ABCB6: variants seen among roughly 807,000 people sequenced by gnomAD.
ABCB6 encodes the protein ATP-binding cassette sub-family B member 6.
Under a neutral mutation model 99.4 loss-of-function variants are expected in ABCB6, and 87 were observed. The observed-to-expected ratio is 0.88, with a 90% CI of 0.74 to 1.05. The LOEUF (loss-of-function observed/expected upper bound fraction) is 1.05. Ranked by LOEUF, ABCB6 falls within the 50% of genes least tolerant of loss-of-function variation. The pLI is 0.00. For missense variants in ABCB6, 1,050 were observed against 1,097.9 expected, an observed-to-expected ratio of 0.96 and a Z score of 0.62; for synonymous variants, 482 against 447.5, an observed-to-expected ratio of 1.08 and a Z score of -0.97.
intron 14 of ABCB6, among the ~76,000 whole-genome samples, chr2:219,212,053 G>A (rs997848231): frequency 7.9e-5 from 12 of 152,044 alleles, no homozygotes; most frequent in South Asian, 6.2e-4. Flanking sequence ...GTGAGCCACC[G>A]CGCCCAGCAA....
Position 219,214,119 on chromosome 2 carries a change from A to G in ABCB6, c.1452+2T>C. The G allele has an allele frequency of 6.2e-7, 1 of 1,614,068 alleles. No homozygotes were observed. ...CCGGAGGCCTCAAACTAGCATCCTC[A>G]CCTGATATTTGATGATGGCCTCTCG... On this transcript the variant is annotated splice_donor_variant, in intron 8 of 18. Coordinates refer to ENST00000265316, the MANE Select transcript of ABCB6 (RefSeq NM_005689.4). LOFTEE classifies it high-confidence loss of function.
At position 219,216,285 on chromosome 2, in the gene ABCB6, T is replaced by C. The variant is rs1950640591; in HGVS notation, c.970+79A>G. 6.3e-7 allele frequency: 1 copy of C among 1,587,842 alleles called. No homozygotes were observed. The highest frequency in any genetic ancestry group is 1.3e-5 in the African/African-American group (1 of 74,296). On this transcript the variant is annotated intron_variant, in intron 4 of 18. Transcript: ENST00000265316. This position sits in a 1 kb window ranked among gnomAD's most constrained non-coding sequence, Gnocchi z 4.2. Reference sequence around the variant, plus strand: ...AGAGTACATGGGGGCTGGGGAGGAATGCTGGGAGAGGCGGATGCTGAGGGA... The same window carrying C: ...AGAGTACATGGGGGCTGGGGAGGAACGCTGGGAGAGGCGGATGCTGAGGGA...
intron 14 of ABCB6, 37 bp downstream of exon 14, chr2:219,212,350 G>C: frequency 6.4e-7 from 1 of 1,566,656 alleles, no homozygotes; most frequent in Non-Finnish European, 8.8e-7. Flanking sequence ...TCCACACGTA[G>C]ACCCCTAAAC....
At chr2:219,211,235 C>T in intron 14 of ABCB6, 127 bp from the exon 15 acceptor site, 1 of 970,756 alleles carries the variant, frequency 1.0e-6, no homozygotes, top group Non-Finnish European at 1.6e-6. Context: ...TGCCCCATAT[C>T]CTAGCCGTGT....
chr2:219,215,155 A>AGGG, intron 5 of ABCB6, 73 bp from the exon 6 acceptor site: 14 of 1,587,790 alleles, frequency 8.8e-6, no homozygotes, highest in Non-Finnish European at 1.2e-5. Flanking sequence ...TAGGCATTTC[A>AGGG]GGGTAGTGTT....
intron 14 of ABCB6, 134 bp from the exon 15 acceptor site, chr2:219,211,242 G>GT (rs1275292691): frequency 1.1e-6 from 1 of 890,422 alleles, no homozygotes; most frequent in African/African-American, 1.7e-5. Context: ...TATCCTAGCC[G>GT]TGTGGGCAAA....
chr2:219,215,850 G>T, intron 5 of ABCB6, 147 bp downstream of exon 5: 1 of 796,924 alleles, frequency 1.3e-6, no homozygotes, highest in South Asian at 2.8e-5. Flanking sequence ...TATTAGGAGA[G>T]CATGTATACA....
chr2:219,216,961 G>C lies in ABCB6; in HGVS notation c.688-129C>G, dbSNP rs1213157620. The stretch of plus-strand genomic sequence containing the variant: ...TCAGACCCACAAGTGATCCTTGATG[G>C]GGTCAGAAAAACTAAGTTGCAAACT... On this transcript the variant is annotated intron_variant, in intron 2 of 18. Transcript: ENST00000265316. This position sits in a 1 kb window ranked among gnomAD's most constrained non-coding sequence, Gnocchi z 4.2. 6 of 790,108 alleles carry C rather than the reference G, an allele frequency of 7.6e-6. No individual in the cohort carries two copies. The highest frequency in any genetic ancestry group is 1.2e-5 in the Non-Finnish European group (6 of 518,048). 48.9% of individuals were successfully genotyped at this position (790,108 alleles called of 1,614,324 possible).
chr2:219,216,941 CCCA>C lies in ABCB6; in HGVS notation c.688-112_688-110del. On this transcript the variant is annotated intron_variant, in intron 2 of 18. Transcript: ENST00000265316. This position sits in a 1 kb window ranked among gnomAD's most constrained non-coding sequence, Gnocchi z 4.2. ...GGTTACAGCTCCCAGGTATCTCAGA[CCCA>C]CAAGTGATCCTTGATGGGGTCAGAA... 1.0e-6 allele frequency: 1 copy of C among 956,392 alleles called. No individual in the cohort carries two copies. Among genetic ancestry groups the C allele is most frequent in the Non-Finnish European group, 1.5e-6 (1 of 662,798 alleles). 59.2% of individuals were successfully genotyped at this position (956,392 alleles called of 1,614,324 possible).
Position 219,209,889 on chromosome 2 carries a change from C to T in ABCB6, c.*49G>A, listed in dbSNP as rs1344153701. ...AATAAGCCAGGGAAAGGAGACACAT[C>T]TTATTCCCTTCTGGGTTAGTCTTTG... On this transcript the variant is annotated 3_prime_UTR_variant, in exon 19 of 19. Transcript: ENST00000265316. 1 of 1,390,084 alleles carries T rather than the reference C, an allele frequency of 7.2e-7. No individual in the cohort carries two copies. 86.1% of individuals were successfully genotyped at this position (1,390,084 alleles called of 1,614,324 possible).
intron 1 of ABCB6, 143 bp from the exon 2 acceptor site, chr2:219,217,950 G>A: frequency 6.6e-6 from 9 of 1,354,904 alleles, no homozygotes; most frequent in Non-Finnish European, 8.9e-6. Flanking sequence ...AAACCACAGT[G>A]ACTCAGCAAA....
rs772975032 is a variant in ABCB6 at position 219,215,987 on chromosome 2, G to A, written c.1154+10C>T. ...CACCCTCCCACATGCCCTTTCCACTGGGGCGGCACCTGAGCAGCCCTGTGA... is the reference window on the plus strand; with the variant it reads ...CACCCTCCCACATGCCCTTTCCACTAGGGCGGCACCTGAGCAGCCCTGTGA... On this transcript the variant is annotated intron_variant, in intron 5 of 18. Coordinates refer to ENST00000265316, the MANE Select transcript of ABCB6 (RefSeq NM_005689.4). The A allele has an allele frequency of 1.3e-6, 2 of 1,548,204 alleles. No homozygotes were observed. The highest frequency in any genetic ancestry group is 1.4e-5 in the African/African-American group (1 of 73,438).
rs558103501 is a variant in ABCB6, at chr2:219,214,144, G to C, written c.1429C>G (p.Arg477Gly). The stretch of plus-strand genomic sequence containing the variant: ...ACCTGATATTTGATGATGGCCTCTC[G>C]ATAGCGTTCCACTTCGTAACTCTCG... ...NAESYEVERY[R>G]EAIIKYQGLE... Residue 477 changes from arginine to glycine, a missense_variant, in exon 8 of 19, where the codon CGA becomes GGA. Physicochemically the swap from Arg to Gly is moderately radical, Grantham distance 125 (BLOSUM62 -2). Transcript: ENST00000265316. The C allele has an allele frequency of 2.0e-5, 32 of 1,614,030 alleles. No individual in the cohort carries two copies. The highest frequency in any genetic ancestry group is 2.6e-5 in the Non-Finnish European group (31 of 1,180,042).
At chr2:219,213,569 G>A (rs1451733072) in intron 10 of ABCB6, 21 bp downstream of exon 10, 1 of 1,613,994 alleles carries the variant, frequency 6.2e-7, no homozygotes, top group African/African-American at 1.3e-5. Context: ...CTGGACAGGT[G>A]AGGGCCAGGG....
In ABCB6 at chr2:219,210,765, G is replaced by A. The variant is rs746030949; in HGVS notation, c.2202C>T (p.Arg734=). 9.3e-6 allele frequency: 15 copies of A among 1,613,630 alleles called. No homozygotes were observed. Among genetic ancestry groups the A allele is most frequent in the African/African-American group, 1.3e-5 (1 of 74,908 alleles). Residue 734 remains arginine, a synonymous_variant, in exon 16 of 19, where the codon CGC becomes CGT. Coordinates refer to ENST00000265316, the MANE Select transcript of ABCB6 (RefSeq NM_005689.4). ...TGAGGATGGTGCGGGCAATGGCGACGCGCTGCTTCTCCCCGCCGCTCAGCT... is the reference window on the plus strand; with the variant it reads ...TGAGGATGGTGCGGGCAATGGCGACACGCTGCTTCTCCCCGCCGCTCAGCT... The part of the protein sequence containing the change: ...GLKLSGGEKQ[R]VAIARTILKA...
intron 6 of ABCB6, 96 bp from the exon 7 acceptor site, chr2:219,214,594 C>A: frequency 1.1e-6 from 1 of 932,056 alleles, no homozygotes; most frequent in Non-Finnish European, 1.7e-6. Flanking sequence ...CACACTAAGC[C>A]TATGCTCAAG....
rs1950608026 is a variant in ABCB6 at position 219,213,879 on chromosome 2, G to C, written c.1525C>G (p.Leu509Val). 6.2e-7 allele frequency: 1 copy of C among 1,614,038 alleles called. No homozygotes were observed. Among genetic ancestry groups the C allele is most frequent in the Non-Finnish European group, 8.5e-7 (1 of 1,180,052 alleles). ...QTQNLVIGLG[L>V]LAGSLLCAYF... The stretch of plus-strand genomic sequence containing the variant: ...GCGCAAAGCAGGGAGCCGGCGAGGA[G>C]CCCGAGCCCAATCACCAGGTTCTGG... The change falls in exon 9 of 19, where the codon CTC becomes GTC. Residue 509 changes from leucine (L) to valine (V), a missense_variant. Coordinates refer to ENST00000265316, the MANE Select transcript of ABCB6 (RefSeq NM_005689.4).
chr2:219,214,750 C>T (rs1398344582), intron 6 of ABCB6: 20 of 644,858 alleles, frequency 3.1e-5, no homozygotes, highest in African/African-American at 5.5e-5. Context: ...TCAGACTTAA[C>T]GTGACAAGAA....
chr2:219,214,489 A>G lies in ABCB6; in HGVS notation c.1286T>C (p.Ile429Thr), dbSNP rs1049017915. ...LCMSLYLTLT[I>T]VVTEWRTKFR... ...CTTGGTTCTCCACTCAGTGACCACA[A>G]TGGTCAGGGCTGGAGAGTGACAGGA... Residue 429 changes from isoleucine (I) to threonine (T), a missense_variant, in exon 7 of 19, where the codon ATT (isoleucine) becomes ACT (threonine). Physicochemically the swap from Ile to Thr is moderately conservative, Grantham distance 89. Transcript: ENST00000265316. The G allele has an allele frequency of 7.4e-6, 12 of 1,612,692 alleles. No homozygotes were observed. The highest frequency in any genetic ancestry group is 5.3e-5 in the African/African-American group (4 of 74,920).
Sources: gnomAD v4.1 joint callset for allele counts (sites outside exome capture counted in the v4.1 genomes callset) on GRCh38, gnomAD v4.1.1 for gene constraint, Gnocchi (gnomAD v3.1) non-coding constraint, MANE v1.5 for transcripts, NCBI Gene and HGNC (gene_info 2026-07-23, HGNC 2026-07-21) for gene names.